The following FRK variants were observed in gnomAD, a reference collection of about 807,000 sequenced individuals.
FRK encodes fyn related Src family tyrosine kinase, also known as tyrosine-protein kinase FRK.
In FRK, 51 loss-of-function variants were observed where a neutral mutation model predicts 56.4. The ratio of observed to expected loss-of-function variants is 0.90; its 90% CI spans 0.72 to 1.14. The LOEUF is 1.14. FRK is among the 50% of genes most tolerant of loss of function. FRK has a pLI of 0.00. For synonymous variants in FRK, 245 were observed against 217.9 expected, an observed-to-expected ratio of 1.12 and a Z score of -1.10; for missense variants, 570 against 601.4, an observed-to-expected ratio of 0.95 and a Z score of 0.55.
At chr6:116,083,371 G>A in the FRK span, among the ~76,000 whole-genome samples, 6 of 150,944 alleles carry the variant, frequency 4.0e-5, no homozygotes, top group Admixed American at 1.3e-4. Flanking sequence ...GAAAAAAAAA[G>A]CTTTGTTTTG....
At chr6:116,038,277 T>C (rs1337851193) in intron 1 of FRK, among the ~76,000 whole-genome samples, 2 of 152,146 alleles carry the variant, frequency 1.3e-5, no homozygotes, top group African/African-American at 2.4e-5. Context: ...GATTAAGATA[T>C]AAAAAATTTT....
chr6:115,956,495 A>G lies in FRK; in HGVS notation c.915T>C (p.Ile305=). ...VCTLEDPIYI[I]TELMRHGSLQ... ...GACTTCCATGTCTCATCAACTCTGT[A>G]ATAATATAAATTGGATCTTCTAAAG... The change falls in exon 5 of 8, where the codon ATT becomes ATC. Residue 305 remains isoleucine, a synonymous_variant. Coordinates refer to ENST00000606080, the MANE Select transcript of FRK (RefSeq NM_002031.3). 3 of 1,579,346 alleles carry G rather than the reference A, an allele frequency of 1.9e-6. No homozygotes were observed. The highest frequency in any genetic ancestry group is 4.6e-5 in the East Asian group (2 of 43,580).
At chr6:116,009,850 A>T (rs1775395755) in intron 1 of FRK, among the ~76,000 whole-genome samples, 1 of 152,166 alleles carries the variant, frequency 6.6e-6, no homozygotes, top group South Asian at 2.1e-4. Flanking sequence ...ATTGTTGTAT[A>T]AAATGTGTCT....
Position 115,958,621 on chromosome 6 carries a change from C to G in FRK, c.800-2011G>C, listed in dbSNP as rs1182928828. On this transcript the variant is annotated intron_variant, in intron 4 of 7. Transcript: ENST00000606080. The stretch of plus-strand genomic sequence containing the variant: ...CCAGCCTGGGAAATAGAGTGAGACT[C>G]TGTCTCAAAAAAGGAAAGAAAGAAA... Among the ~76,000 whole-genome samples the G allele has an allele frequency of 7.8e-5, 6 of 76,662 alleles. 1 individual carries two copies. Among genetic ancestry groups the G allele is most frequent in the African/African-American group, 1.6e-4 (3 of 18,192 alleles). The allele number at this position is 76,662 out of a possible 152,430, so 50.3% of individuals were successfully genotyped here. A position where few individuals can be genotyped will look rare whatever the true frequency, so the allele number is the denominator to read the frequency against.
the FRK span, among the ~76,000 whole-genome samples, chr6:116,096,029 C>G: frequency 1.3e-5 from 2 of 152,224 alleles, no homozygotes; most frequent in Admixed American, 6.5e-5. Flanking sequence ...TACTCGCCTT[C>G]AGGCCCTTTA....
chr6:116,037,186 T>C (rs1327762546), intron 1 of FRK, among the ~76,000 whole-genome samples: 1 of 151,990 alleles, frequency 6.6e-6, no homozygotes, highest in African/African-American at 2.4e-5. Flanking sequence ...CAATTTCCCA[T>C]TAGCAAATAT....
At chr6:116,093,327 C>A in the FRK span, among the ~76,000 whole-genome samples, 1 of 152,198 alleles carries the variant, frequency 6.6e-6, no homozygotes, top group Non-Finnish European at 1.5e-5. Flanking sequence ...AACCCAGGTA[C>A]ATGTCCCCTT....
chr6:116,051,924 T>G (rs1777191910), intron 1 of FRK, among the ~76,000 whole-genome samples: 1 of 152,142 alleles, frequency 6.6e-6, no homozygotes, highest in South Asian at 2.1e-4. Flanking sequence ...ACATAATAAT[T>G]AGAAATTATG....
rs117539701 is a variant in FRK, at chr6:116,040,584, C to T, written c.344+19384G>A. Reference sequence around the variant, plus strand: ...CTACCAAATTGCACCCGTTATTATACATCACTCAATTCATTATTTTAATCT... The same window carrying T: ...CTACCAAATTGCACCCGTTATTATATATCACTCAATTCATTATTTTAATCT... On this transcript the variant is annotated intron_variant, in intron 1 of 7. Transcript: ENST00000606080. Among the ~76,000 whole-genome samples, 11 of 152,194 alleles carry T rather than the reference C, an allele frequency of 7.2e-5. No individual in the cohort carries two copies. In the East Asian group the frequency reaches 1.9e-3, roughly 27 times the overall value.
At chr6:116,025,095 G>T (rs981876088) in intron 1 of FRK, among the ~76,000 whole-genome samples, 1 of 152,078 alleles carries the variant, frequency 6.6e-6, no homozygotes, top group Admixed American at 6.6e-5. Flanking sequence ...TGGAGAGAGG[G>T]CTTTAAAGCA....
chr6:115,943,212 G>C lies in FRK; in HGVS notation c.1141-27C>G, dbSNP rs550507766. 5 of 1,523,314 alleles carry C rather than the reference G, an allele frequency of 3.3e-6. No homozygotes were observed. The East Asian group carries it at 9.9e-5, about 30-fold the overall frequency. 94.4% of individuals were successfully genotyped at this position (1,523,314 alleles called of 1,614,324 possible). ...TGTTCATGTATTAAGGAATCAGGCC[G>C]AGTTAAAGCAATTTTTTTTTTTTTG... On this transcript the variant is annotated intron_variant, in intron 6 of 7. Coordinates refer to ENST00000606080, the MANE Select transcript of FRK (RefSeq NM_002031.3).
Position 115,942,455 on chromosome 6 carries a change from T to C in FRK, c.1477A>G (p.Thr493Ala). 1.2e-6 allele frequency: 2 copies of C among 1,613,702 alleles called. No individual in the cohort carries two copies. The highest frequency in any genetic ancestry group is 1.7e-6 in the Non-Finnish European group (2 of 1,179,706). ...LRWKLEDYFE[T>A]DSSYSDANNF... ...TTTGCATCTGAATATGAAGAGTCTG[T>C]TTCAAAATAGTCTTCAAGTTTCCAA... The change falls in exon 8 of 8, where the codon ACA (threonine) becomes GCA (alanine). Residue 493 changes from threonine to alanine, a missense_variant. Physicochemically the swap from Thr to Ala is moderately conservative, Grantham distance 58 (BLOSUM62 0). Coordinates refer to ENST00000606080, the MANE Select transcript of FRK (RefSeq NM_002031.3).
At chr6:115,953,505 A>G (rs2114547746) in intron 5 of FRK, among the ~76,000 whole-genome samples, 1 of 152,252 alleles carries the variant, frequency 6.6e-6, no homozygotes, top group Non-Finnish European at 1.5e-5. Context: ...CACTTTATTG[A>G]ATGTGAACCC....
rs1401338286 is a variant in FRK at position 115,937,679 on chromosome 6, A to C, written c.*4735T>G. 1.3e-5 allele frequency: 2 copies of C among 152,208 alleles called. No individual in the cohort carries two copies. The highest frequency in any genetic ancestry group is 2.9e-5 in the Non-Finnish European group (2 of 68,038). The allele number at this position is 152,208 out of a possible 1,614,324, so 9.4% of individuals were successfully genotyped here. A position where few individuals can be genotyped will look rare whatever the true frequency, so the allele number is the denominator to read the frequency against. ...AAAAAAAAGCAGGGGTTGCAATCCT[A>C]GTCTCTGATAAAACAGACTTTAAAT... is the stretch of plus-strand genomic sequence containing the variant. On this transcript the variant is annotated 3_prime_UTR_variant, in exon 8 of 8. Transcript: ENST00000606080.
At position 115,996,530 on chromosome 6, in the gene FRK, C is replaced by T. The variant is rs147899061; in HGVS notation, c.466+7347G>A. Among the ~76,000 whole-genome samples the T allele has an allele frequency of 8.2e-3, 1,251 of 152,216 alleles. 16 individuals are homozygous for T. Among genetic ancestry groups the T allele is most frequent in the African/African-American group, 0.028 (1,168 of 41,528 alleles). On this transcript the variant is annotated intron_variant, in intron 2 of 7. Transcript: ENST00000606080. ...TATTACCTGGAAAAAACTGACCTGT[C>T]AAGGTGTGAAATTGTCTTTCTAAAA...
rs1461275924 is a variant in FRK, at chr6:115,944,358, C to G, written c.1026G>C (p.Met342Ile). 8 of 1,612,830 alleles carry G rather than the reference C, an allele frequency of 5.0e-6. No individual in the cohort carries two copies. Among genetic ancestry groups the G allele is most frequent in the Non-Finnish European group, 6.8e-6 (8 of 1,179,556 alleles). The change falls in exon 6 of 8, where the codon ATG becomes ATC. Residue 342 changes from methionine (M) to isoleucine (I), a missense_variant. Physicochemically the swap from Met to Ile is conservative, Grantham distance 10. Transcript: ENST00000606080. ...VDMAAQVASG[M>I]AYLESRNYIH... ...TGTAGTTCCGAGACTCCAGATAGGC[C>G]ATTCCAGAGGCAACCTGTGCCGCCA...
intron 4 of FRK, among the ~76,000 whole-genome samples, chr6:115,966,345 A>G (rs899552063): frequency 6.6e-6 from 1 of 152,216 alleles, no homozygotes; most frequent in South Asian, 2.1e-4. Context: ...CAGCTTCACA[A>G]AGATATGATG....
In FRK at chr6:115,939,823, TAA is replaced by T. The variant is rs1772123796; in HGVS notation, c.*2589_*2590del. Reference sequence around the variant, plus strand: ...AACTACAAACCACTGCTCAAGGAAATAAGAGAGGACACAAATAAATGGAAAAA... The same window carrying T: ...AACTACAAACCACTGCTCAAGGAAATGAGAGGACACAAATAAATGGAAAAA... On this transcript the variant is annotated 3_prime_UTR_variant, in exon 8 of 8. Coordinates refer to ENST00000606080, the MANE Select transcript of FRK (RefSeq NM_002031.3). 1 of 152,014 alleles carries T rather than the reference TAA, an allele frequency of 6.6e-6. No individual in the cohort carries two copies. The highest frequency in any genetic ancestry group is 1.5e-5 in the Non-Finnish European group (1 of 68,018). The allele number at this position is 152,014 out of a possible 1,614,324, so 9.4% of individuals were successfully genotyped here.
intron 1 of FRK, chr6:116,039,381 T>C: frequency 6.5e-7 from 1 of 1,537,754 alleles, no homozygotes; most frequent in Non-Finnish European, 9.0e-7. Context: ...ATGGAGGCTC[T>C]GTGATGGGGG....
Sources: allele counts gnomAD v4.1 joint callset (sites outside exome capture counted in the v4.1 genomes callset), GRCh38; gene constraint gnomAD v4.1.1; transcripts MANE v1.5; gene names NCBI Gene and HGNC (gene_info 2026-07-23, HGNC 2026-07-21).